AHI1: variants seen among roughly 807,000 people sequenced by gnomAD.
AHI1 encodes Abelson helper integration site 1.
In AHI1, 123 loss-of-function variants were observed where a neutral mutation model predicts 149.3. The ratio of observed to expected loss-of-function variants is 0.82; its 90% CI spans 0.71 to 0.96. AHI1 has a LOEUF of 0.96. AHI1 is among the 40% of genes least tolerant of loss of function. AHI1 has a pLI of 0.00. For synonymous variants in AHI1, 475 were observed against 459.8 expected (o/e 1.03, Z -0.42); for missense variants, 1,439 against 1,422.7 (o/e 1.01, Z -0.18).
rs770214866 is a variant in AHI1 at position 135,466,054 on chromosome 6, CT to C, written c.508del (p.Ser170ValfsTer13). 6.2e-7 allele frequency: 1 copy of C among 1,613,806 alleles called. No individual in the cohort carries two copies. Among genetic ancestry groups the C allele is most frequent in the Non-Finnish European group, 8.5e-7 (1 of 1,179,858 alleles). On this transcript the variant is annotated frameshift_variant, in exon 7 of 29. Transcript: ENST00000265602. LOFTEE classifies it high-confidence loss of function. ...TTCTCTTCCCTCATTTGCCTTCTCACTTTTCTGATGATCAACGCCTGGCTGT... is the reference window on the plus strand; with the variant it reads ...TTCTCTTCCCTCATTTGCCTTCTCACTTTCTGATGATCAACGCCTGGCTGT... ...KPQPGVDHQK[S>X]EKANEGREET...
At chr6:135,293,649 T>A (rs574183661) in intron 27 of AHI1, among the ~76,000 whole-genome samples, 17 of 152,290 alleles carry the variant, frequency 1.1e-4, no homozygotes, top group Non-Finnish European at 2.1e-4. Flanking sequence ...CATGTAGGAA[T>A]AAATCAACCA....
chr6:135,484,742 G>T (rs1020543389), intron 5 of AHI1, among the ~76,000 whole-genome samples: 1 of 150,922 alleles, frequency 6.6e-6, no homozygotes, highest in Admixed American at 6.6e-5. Flanking sequence ...TTTTCTCAGT[G>T]AGTTGGTTTT....
chr6:135,287,895 A>G (rs560134744), intron 28 of AHI1, among the ~76,000 whole-genome samples: 4 of 152,060 alleles, frequency 2.6e-5, no homozygotes, highest in Admixed American at 2.6e-4. Flanking sequence ...CAGGGGTTTG[A>G]GACCAGCCTG....
At chr6:135,354,792 A>AAT (rs1792704325) in intron 24 of AHI1, among the ~76,000 whole-genome samples, 1 of 152,176 alleles carries the variant, frequency 6.6e-6, no homozygotes, top group Admixed American at 6.5e-5. Flanking sequence ...TTCTATTATC[A>AAT]ATAGTACAGT....
In AHI1 at chr6:135,488,718, T is replaced by C. The variant is rs548403484; in HGVS notation, c.135+1905A>G. On this transcript the variant is annotated intron_variant, in intron 5 of 28. Coordinates refer to ENST00000265602, the MANE Select transcript of AHI1 (RefSeq NM_001134831.2). Reference sequence around the variant, plus strand: ...ATTATGAATCCCTATTTTGACTTTTTTCCTCGCTTAATTTTATTTCAGACT... The same window carrying C: ...ATTATGAATCCCTATTTTGACTTTTCTCCTCGCTTAATTTTATTTCAGACT... 3.3e-5 allele frequency among the ~76,000 whole-genome samples: 5 copies of C among 152,306 alleles called. No homozygotes were observed. In the East Asian group the frequency reaches 9.6e-4, roughly 29 times the overall value.
chr6:135,489,147 T>C (rs1033047216), intron 5 of AHI1, among the ~76,000 whole-genome samples: 1 of 152,214 alleles, frequency 6.6e-6, no homozygotes, highest in Non-Finnish European at 1.5e-5. Flanking sequence ...TTTAGAAATA[T>C]TCCTGTTCTT....
Position 135,463,183 on chromosome 6 carries a change from G to C in AHI1, c.873C>G (p.Asp291Glu). 1.2e-6 allele frequency: 2 copies of C among 1,607,026 alleles called. No individual in the cohort carries two copies. Among genetic ancestry groups the C allele is most frequent in the Non-Finnish European group, 1.7e-6 (2 of 1,178,112 alleles). Residue 291 changes from aspartate to glutamate, a missense_variant, in exon 8 of 29, where the codon GAC (aspartate) becomes GAG (glutamate). Physicochemically the swap from Asp to Glu is conservative, Grantham distance 45. Transcript: ENST00000265602. ...TAGGTTTTGTATCATCTTGCATGCT[G>C]TCTTCTGTGCTTTGTTCCATTGAGC... The part of the protein sequence containing the change: ...EISSMEQSTE[D>E]SMQDDTKPKP...
chr6:135,338,078 A>G (rs1424626179), intron 24 of AHI1, among the ~76,000 whole-genome samples: 1 of 152,104 alleles, frequency 6.6e-6, no homozygotes, highest in Non-Finnish European at 1.5e-5. Context: ...TGGGTGGATC[A>G]CCTGAGGTCA....
In AHI1 at chr6:135,428,059, T is replaced by C. The variant is rs141709078; in HGVS notation, c.2623+570A>G. The stretch of plus-strand genomic sequence containing the variant: ...TAAAGAAATTTTAAAGTTAGTTTTA[T>C]GAAACTCTCTCAATTTCTTATTAAA... On this transcript the variant is annotated intron_variant, in intron 19 of 28. Transcript: ENST00000265602. Among the ~76,000 whole-genome samples the C allele has an allele frequency of 1.4e-3, 215 of 151,738 alleles. 3 individuals are homozygous for C. In the East Asian group the frequency reaches 0.032, roughly 23 times the overall value.
chr6:135,427,838 T>C (rs1784116237), intron 19 of AHI1, among the ~76,000 whole-genome samples: 2 of 151,236 alleles, frequency 1.3e-5, no homozygotes, highest in South Asian at 4.1e-4. Context: ...TCCAGGAAAA[T>C]CAGTCAGGAG....
chr6:135,458,034 T>C (rs1352922074), intron 8 of AHI1, among the ~76,000 whole-genome samples: 1 of 152,220 alleles, frequency 6.6e-6, no homozygotes, highest in African/African-American at 2.4e-5. Context: ...ATATGACAAC[T>C]AGAATTTCTA....
rs141232158 is a variant in AHI1, at chr6:135,484,243, T to C, written c.135+6380A>G. The stretch of plus-strand genomic sequence containing the variant: ...GTTCCTCCCATGACACACGGGAATT[T>C]TGGGAGTTACAATTCAAGATGAGAT... On this transcript the variant is annotated intron_variant, in intron 5 of 28. Coordinates refer to ENST00000265602, the MANE Select transcript of AHI1 (RefSeq NM_001134831.2). Among the ~76,000 whole-genome samples the C allele has an allele frequency of 3.0e-3, 456 of 152,254 alleles. 9 individuals carry two copies. Among genetic ancestry groups the C allele is most frequent in the Middle Eastern group, 0.014 (4 of 294 alleles).
chr6:135,428,326 T>C (rs1204060630), intron 19 of AHI1, among the ~76,000 whole-genome samples: 1 of 151,678 alleles, frequency 6.6e-6, no homozygotes, highest in Non-Finnish European at 1.5e-5. Flanking sequence ...TACTTTGTGT[T>C]AGCCTCCATT....
intron 11 of AHI1, among the ~76,000 whole-genome samples, chr6:135,451,497 A>G (rs1788093032): frequency 6.6e-6 from 1 of 152,186 alleles, no homozygotes; most frequent in East Asian, 1.9e-4. Context: ...TGTTCAACAT[A>G]TTTACCCAAA....
chr6:135,374,419 G>A (rs1165605305), intron 23 of AHI1, among the ~76,000 whole-genome samples: 2 of 151,858 alleles, frequency 1.3e-5, no homozygotes, highest in African/African-American at 4.8e-5. Context: ...GCCCTTTTCT[G>A]CTAGTTTAAT....
chr6:135,406,614 T>C (rs1378704693), intron 21 of AHI1, among the ~76,000 whole-genome samples: 2 of 152,256 alleles, frequency 1.3e-5, no homozygotes, highest in African/African-American at 4.8e-5. Context: ...AATCAATATA[T>C]ACGGTGGTAT....
intron 14 of AHI1, among the ~76,000 whole-genome samples, chr6:135,440,439 C>G (rs897165929): frequency 2.0e-5 from 3 of 152,154 alleles, no homozygotes; most frequent in African/African-American, 7.2e-5. Flanking sequence ...ATAGGGGACA[C>G]TGATAAACTC....
Position 135,490,394 on chromosome 6 carries a change from C to T in AHI1, c.135+229G>A, listed in dbSNP as rs182735757. 102 of 649,572 alleles carry T rather than the reference C, an allele frequency of 1.6e-4. 1 individual carries two copies. In the East Asian group the frequency reaches 2.7e-3, roughly 17 times the overall value. 40.2% of individuals were successfully genotyped at this position (649,572 alleles called of 1,614,324 possible). A position where few individuals can be genotyped will look rare whatever the true frequency, so the allele number is the denominator to read the frequency against. ...TCCCCACTATCTCTGGTCATTTTCC[C>T]CACTGTGTGTGTGTTCTTCCTGTAG... On this transcript the variant is annotated intron_variant, in intron 5 of 28. Transcript: ENST00000265602.
chr6:135,441,511 T>C (rs1018577034), intron 14 of AHI1, among the ~76,000 whole-genome samples: 1 of 151,854 alleles, frequency 6.6e-6, no homozygotes, highest in Non-Finnish European at 1.5e-5. Flanking sequence ...CATAATCAAA[T>C]AGTCAAAAAC....
Sources: gnomAD v4.1 joint callset for allele counts (sites outside exome capture counted in the v4.1 genomes callset) on GRCh38, gnomAD v4.1.1 for gene constraint, MANE v1.5 for transcripts, NCBI Gene and HGNC (gene_info 2026-07-23, HGNC 2026-07-21) for gene names.